The following FANCA variants were observed in gnomAD, a reference collection of about 807,000 sequenced individuals.
FANCA encodes the protein Fanconi anemia group A protein.
FANCA carries 236 observed loss-of-function variants against 194.3 expected under a neutral mutation model. The ratio of observed to expected loss-of-function variants is 1.21; its 90% CI spans 1.09 to 1.35. The LOEUF (loss-of-function observed/expected upper bound fraction) is 1.35. Among genes scored for constraint, FANCA ranks in the 40% most tolerant of loss-of-function variants. The pLI is 0.00. For missense variants in FANCA, 2,628 were observed against 1,813.9 expected (o/e 1.45, Z -8.15); for synonymous variants, 1,014 against 715.8 (o/e 1.42, Z -6.65).
intron 14 of FANCA, among the ~76,000 whole-genome samples, chr16:89,789,865 G>T (rs2040010997): frequency 6.6e-6 from 1 of 152,090 alleles, no homozygotes; most frequent in African/African-American, 2.4e-5. Flanking sequence ...ACATGAACTG[G>T]GGGTTTTCAC....
In FANCA at chr16:89,771,756, A is replaced by G. The variant is rs1457682458; in HGVS notation, c.2073T>C (p.Asn691=). 1.9e-6 allele frequency: 3 copies of G among 1,613,934 alleles called. No homozygotes were observed. Among genetic ancestry groups the G allele is most frequent in the Non-Finnish European group, 2.5e-6 (3 of 1,180,034 alleles). Residue 691 remains asparagine, a synonymous_variant, in exon 23 of 43, where the codon AAT becomes AAC. Coordinates refer to ENST00000389301, the MANE Select transcript of FANCA (RefSeq NM_000135.4). ...SERLRAVLGH[N]EDDSSVEISK... is the part of the protein sequence containing the mutation. The stretch of plus-strand genomic sequence containing the variant: ...ATATCTCAACGCTGCTGTCATCCTC[A>G]TTGTGGCCCAGGACAGCCCTCAGTC...
At chr16:89,778,913 G>T in intron 19 of FANCA, 30 bp downstream of exon 19, 1 of 1,614,014 alleles carries the variant, frequency 6.2e-7, no homozygotes, top group Non-Finnish European at 8.5e-7. Context: ...CTACACAACT[G>T]GTCACAAACT....
At chr16:89,797,805 G>A (rs2040299333) in intron 10 of FANCA, among the ~76,000 whole-genome samples, 1 of 152,100 alleles carries the variant, frequency 6.6e-6, no homozygotes, top group African/African-American at 2.4e-5. Flanking sequence ...TGAGGCAGAA[G>A]AATTGATTGA....
chr16:89,767,080 GA>G lies in FANCA; in HGVS notation c.2601+60del. ...GCAGCAGACCTCGGCCTTCCGGTCC[GA>G]AAGCTGCGTAAACCTGAAACGTATG... On this transcript the variant is annotated intron_variant, in intron 27 of 42. Coordinates refer to ENST00000389301, the MANE Select transcript of FANCA (RefSeq NM_000135.4). 2.2e-6 allele frequency: 3 copies of G among 1,377,490 alleles called. No homozygotes were observed. In the South Asian group the frequency reaches 3.5e-5, roughly 16 times the overall value. The allele number at this position is 1,377,490 out of a possible 1,614,324, so 85.3% of individuals were successfully genotyped here. A position where few individuals can be genotyped will look rare whatever the true frequency, so the allele number is the denominator to read the frequency against.
intron 3 of FANCA, among the ~76,000 whole-genome samples, chr16:89,813,121 G>C (rs568323098): frequency 6.6e-6 from 1 of 151,626 alleles, no homozygotes; most frequent in East Asian, 2.0e-4. Flanking sequence ...ATTCTCGGTA[G>C]AAAAGTAGAC....
chr16:89,745,473 G>A (rs1344675967), intron 35 of FANCA, among the ~76,000 whole-genome samples: 1 of 143,924 alleles, frequency 6.9e-6, no homozygotes, highest in African/African-American at 2.7e-5. Flanking sequence ...ACAAAACAGT[G>A]AAGGGACCAC....
At chr16:89,815,783 G>A (rs1387947440) in intron 2 of FANCA, 94 bp downstream of exon 2, 3 of 1,058,094 alleles carry the variant, frequency 2.8e-6, no homozygotes, top group Non-Finnish European at 3.0e-6. Context: ...CGCGCCCGCC[G>A]CCTCGGGTGT....
intron 14 of FANCA, among the ~76,000 whole-genome samples, chr16:89,788,134 C>A (rs911438401): frequency 6.6e-6 from 1 of 152,152 alleles, no homozygotes; most frequent in African/African-American, 2.4e-5. Context: ...CGTCCTCCCA[C>A]AGTGCTGGTA....
chr16:89,803,003 C>A (rs2040509537), intron 8 of FANCA, among the ~76,000 whole-genome samples: 1 of 152,138 alleles, frequency 6.6e-6, no homozygotes, highest in African/African-American at 2.4e-5. Context: ...CTATAGTTAA[C>A]AACAGATTGT....
chr16:89,744,746 T>C (rs2062205938), intron 36 of FANCA: 2 of 592,082 alleles, frequency 3.4e-6, no homozygotes, highest in Non-Finnish European at 3.1e-6. Flanking sequence ...AAACTCCACC[T>C]CCTGGGTTCA....
chr16:89,754,251 CA>C (rs966188788), intron 30 of FANCA, among the ~76,000 whole-genome samples: 2 of 60,134 alleles, frequency 3.3e-5, no homozygotes, highest in East Asian at 5.0e-4. Context: ...AAAACAACAA[CA>C]AAAAAAACAA....
chr16:89,791,247 G>T (rs1216436625), intron 14 of FANCA, 156 bp downstream of exon 14: 16 of 979,324 alleles, frequency 1.6e-5, no homozygotes, highest in Non-Finnish European at 2.5e-5. Flanking sequence ...AGGCTCCTCG[G>T]CACACGCAGA....
At chr16:89,750,184 T>C (rs530244658) in intron 31 of FANCA, among the ~76,000 whole-genome samples, 2 of 151,988 alleles carry the variant, frequency 1.3e-5, no homozygotes, top group South Asian at 4.2e-4. Flanking sequence ...CAACTACTTA[T>C]CAATTAAGAA....
chr16:89,756,464 A>G (rs1461043973), intron 30 of FANCA, among the ~76,000 whole-genome samples: 1 of 152,218 alleles, frequency 6.6e-6, no homozygotes, highest in East Asian at 1.9e-4. Context: ...CCCCATCTCT[A>G]CTACAACTAC....
At chr16:89,804,433 G>C (rs571965251) in intron 7 of FANCA, among the ~76,000 whole-genome samples, 1 of 152,286 alleles carries the variant, frequency 6.6e-6, no homozygotes, top group South Asian at 2.1e-4. Flanking sequence ...CGGTTCTCTA[G>C]AGCTGTCCTG....
At chr16:89,787,931 T>C (rs1054004012) in intron 14 of FANCA, among the ~76,000 whole-genome samples, 7 of 151,746 alleles carry the variant, frequency 4.6e-5, no homozygotes, top group Admixed American at 3.9e-4. Flanking sequence ...TGGAGTGCAG[T>C]GGTCTGATCT....
chr16:89,750,412 G>C (rs2038544555), intron 31 of FANCA, among the ~76,000 whole-genome samples: 1 of 151,882 alleles, frequency 6.6e-6, no homozygotes, highest in Non-Finnish European at 1.5e-5. Context: ...GAACCCGGGA[G>C]GTGGAGCTTG....
chr16:89,806,724 A>C (rs2040662895), intron 6 of FANCA, among the ~76,000 whole-genome samples: 1 of 152,124 alleles, frequency 6.6e-6, no homozygotes, highest in Admixed American at 6.5e-5. Flanking sequence ...TACAGAACAA[A>C]ATGAAAAGTC....
At chr16:89,794,151 A>G (rs1352900613) in intron 11 of FANCA, among the ~76,000 whole-genome samples, 1 of 152,210 alleles carries the variant, frequency 6.6e-6, no homozygotes, top group Non-Finnish European at 1.5e-5. Context: ...TATTTGCTAT[A>G]TCATCAATTC....
Sources: allele counts gnomAD v4.1 joint callset (sites outside exome capture counted in the v4.1 genomes callset), GRCh38; gene constraint gnomAD v4.1.1; transcripts MANE v1.5; gene names NCBI Gene and HGNC (gene_info 2026-07-23, HGNC 2026-07-21).